Variants in TIE1 observed in about 807,000 individuals in gnomAD.
The protein encoded by TIE1 is tyrosine kinase with immunoglobulin like and EGF like domains 1.
TIE1 carries 89 observed loss-of-function variants against 130.5 expected under a neutral mutation model. That is an observed-to-expected ratio of 0.68 (90% CI 0.57 to 0.81). TIE1 has a LOEUF of 0.81. Ranked by LOEUF, TIE1 falls within the 40% of genes least tolerant of loss-of-function variation. TIE1 has a pLI of 0.00. For synonymous variants in TIE1, 568 were observed against 629.4 expected (o/e 0.90, Z 1.46); for missense variants, 1,392 against 1,559.8 (o/e 0.89, Z 1.81).
In TIE1 at chr1:43,307,894, G is replaced by A. The variant is rs1458175870; in HGVS notation, c.1012G>A (p.Gly338Arg). The change falls in exon 7 of 23, where the codon GGG becomes AGG. Residue 338 changes from glycine to arginine, a missense_variant. Physicochemically the swap from Gly to Arg is moderately radical, Grantham distance 125. Around this residue, in one of 6 missense-constraint regions of TIE1, gnomAD observed 28 missense variants for 54.7 expected, o/e 0.51. Transcript: ENST00000372476. The surrounding 1 kb of genome is among the most constrained non-coding windows in gnomAD (Gnocchi z 5.4). Reference sequence around the variant, plus strand: ...GTTCAGTGGTTGTGTCTGCCCCTCTGGGTGGCATGGAGTGCACTGTGAGAA... The same window carrying A: ...GTTCAGTGGTTGTGTCTGCCCCTCTAGGTGGCATGGAGTGCACTGTGAGAA... ...DRFSGCVCPS[G>R]WHGVHCEKSD... The A allele has an allele frequency of 6.2e-7, 1 of 1,614,190 alleles. No homozygotes were observed.
In TIE1 at chr1:43,307,199, A is replaced by G. The variant is rs1478372661; in HGVS notation, c.698A>G (p.His233Arg). ...GCTKECPGCL[H>R]GGVCHDHDGE... ...ACCAAGGAGTGCCCAGGTTGCCTAC[A>G]TGGAGGTGTCTGCCACGACCATGAC... Residue 233 changes from histidine to arginine, a missense_variant, in exon 5 of 23, where the codon CAT becomes CGT. His to Arg is a conservative substitution (Grantham distance 29). This residue lies in a region of TIE1 where 415 missense variants were observed against 424.8 expected (regional missense o/e 0.98). Transcript: ENST00000372476. This position sits in a 1 kb window ranked among gnomAD's most constrained non-coding sequence, Gnocchi z 5.4. 4 of 1,614,112 alleles carry G rather than the reference A, an allele frequency of 2.5e-6. No individual in the cohort carries two copies. Among genetic ancestry groups the G allele is most frequent in the Non-Finnish European group, 3.4e-6 (4 of 1,179,990 alleles).
At chr1:43,321,355 C>T (rs189880478) in intron 20 of TIE1, 41 bp from the exon 21 acceptor site, 13 of 1,613,590 alleles carry the variant, frequency 8.1e-6, no homozygotes, top group African/African-American at 4.0e-5. Context: ...CCTTACCCCA[C>T]GTGGAGCCCT....
rs1289994472 is a variant in TIE1, at chr1:43,307,699, C to T, written c.914-97C>T. ...CTCACTTGACCAGTCCTTCTATCCTCAGCCTGTTGTATAACCTGTGCCCCA... is the reference window on the plus strand; with the variant it reads ...CTCACTTGACCAGTCCTTCTATCCTTAGCCTGTTGTATAACCTGTGCCCCA... On this transcript the variant is annotated intron_variant, in intron 6 of 22. Coordinates refer to ENST00000372476, the MANE Select transcript of TIE1 (RefSeq NM_005424.5). This position sits in a 1 kb window ranked among gnomAD's most constrained non-coding sequence, Gnocchi z 5.4. 6.3e-7 allele frequency: 1 copy of T among 1,598,560 alleles called. No homozygotes were observed. The highest frequency in any genetic ancestry group is 1.3e-5 in the African/African-American group (1 of 74,720).
In TIE1 at chr1:43,313,144, C is replaced by G; in HGVS notation, c.1937C>G (p.Ala646Gly). The stretch of plus-strand genomic sequence containing the variant: ...CCCACCATCTCCCCAGGGCCTCCAG[C>G]CCCCCGACACCTCCACGCCCAGGCC... ...HVLLPPSGPP[A>G]PRHLHAQALS... Residue 646 changes from alanine (A) to glycine (G), a missense_variant, in exon 13 of 23, where the codon GCC (alanine) becomes GGC (glycine). Coordinates refer to ENST00000372476, the MANE Select transcript of TIE1 (RefSeq NM_005424.5). The surrounding 1 kb of genome is among the most constrained non-coding windows in gnomAD (Gnocchi z 6.2). 1.2e-6 allele frequency: 2 copies of G among 1,601,568 alleles called. No individual in the cohort carries two copies. The highest frequency in any genetic ancestry group is 8.5e-7 in the Non-Finnish European group (1 of 1,174,434).
In TIE1 at chr1:43,322,670, T is replaced by C; in HGVS notation, c.3365T>C (p.Leu1122Pro). The change falls in exon 23 of 23, where the codon CTG (leucine) becomes CCG (proline). Residue 1122 changes from leucine to proline, a missense_variant. Leu to Pro is a moderately conservative substitution (Grantham distance 98). This residue lies in a region of TIE1 where 104 missense variants were observed against 129.3 expected (regional missense o/e 0.80). Coordinates refer to ENST00000372476, the MANE Select transcript of TIE1 (RefSeq NM_005424.5). The surrounding 1 kb of genome is among the most constrained non-coding windows in gnomAD (Gnocchi z 4.0). Reference sequence around the variant, plus strand: ...CCCCAGGCCTATGTGAACATGTCGCTGTTTGAGAACTTCACTTACGCGGGC... The same window carrying C: ...CCCCAGGCCTATGTGAACATGTCGCCGTTTGAGAACTTCACTTACGCGGGC... ...EARKAYVNMS[L>P]FENFTYAGID... is the part of the protein sequence containing the mutation. 2 of 1,614,170 alleles carry C rather than the reference T, an allele frequency of 1.2e-6. No individual in the cohort carries two copies. Among genetic ancestry groups the C allele is most frequent in the Non-Finnish European group, 1.7e-6 (2 of 1,180,046 alleles).
In TIE1 at chr1:43,305,163, G is replaced by A; in HGVS notation, c.371G>A (p.Gly124Glu). 1 of 1,614,072 alleles carries A rather than the reference G, an allele frequency of 6.2e-7. No individual in the cohort carries two copies. The change falls in exon 2 of 23, where the codon GGA (glycine) becomes GAA (glutamate). Residue 124 changes from glycine (G) to glutamate (E), a missense_variant and splice_region_variant. By Grantham distance (98) the Gly-to-Glu change is moderately conservative. Transcript: ENST00000372476. ...TRVIYVHNSP[G>E]AHLLPDKVTH... Reference sequence around the variant, plus strand: ...GTCATCTACGTGCACAACAGCCCTGGAGGTGAGTTAGGCAGGCGGGGGGAT... The same window carrying A: ...GTCATCTACGTGCACAACAGCCCTGAAGGTGAGTTAGGCAGGCGGGGGGAT...
Position 43,322,846 on chromosome 1 carries a change from A to G in TIE1, c.*124A>G, listed in dbSNP as rs1646932695. The G allele has an allele frequency of 1.0e-5, 9 of 872,540 alleles. No individual in the cohort carries two copies. In the East Asian group the frequency reaches 2.4e-4, roughly 24 times the overall value. The allele number at this position is 872,540 out of a possible 1,614,324, so 54.0% of individuals were successfully genotyped here. ...TCAAGGAATTTTTTTAACTTAAGGG[A>G]GAAAAAAAGGGATCTGGGGATGGGG... On this transcript the variant is annotated 3_prime_UTR_variant, in exon 23 of 23. Coordinates refer to ENST00000372476, the MANE Select transcript of TIE1 (RefSeq NM_005424.5). The surrounding 1 kb of genome is among the most constrained non-coding windows in gnomAD (Gnocchi z 4.0).
chr1:43,314,341 T>C (rs1249664392), intron 14 of TIE1: 2 of 1,150,030 alleles, frequency 1.7e-6, no homozygotes, highest in Non-Finnish European at 2.2e-6. Flanking sequence ...GGTGATCAAA[T>C]GGAAGGGCAC....
intron 1 of TIE1, among the ~76,000 whole-genome samples, chr1:43,301,898 A>T (rs12566247): frequency 0.28 from 42,410 of 152,140 alleles, 7,120 homozygotes; most frequent in East Asian, 0.49. Context: ...AATTTATTTT[A>T]TATGCATTTC....
rs781181951 is a variant in TIE1, at chr1:43,308,869, A to G, written c.1043-117A>G. ...GTCATGCGGGCCTTTGCTGGTTTTC[A>G]GGCTGGAGGGACTGGGTAGATACCT... On this transcript the variant is annotated intron_variant, in intron 7 of 22. Coordinates refer to ENST00000372476, the MANE Select transcript of TIE1 (RefSeq NM_005424.5). The G allele has an allele frequency of 3.5e-6, 5 of 1,429,120 alleles. No homozygotes were observed. The South Asian group carries it at 3.5e-5, about 10-fold the overall frequency. The allele number at this position is 1,429,120 out of a possible 1,614,324, so 88.5% of individuals were successfully genotyped here. A position where few individuals can be genotyped will look rare whatever the true frequency, so the allele number is the denominator to read the frequency against.
rs150796066 is a variant in TIE1, at chr1:43,305,065, C to A, written c.273C>A (p.Arg91=). ...ACGGTTCGCACCAGGTCACGCTTCG[C>A]GGCTTCTCCAAGCCCTCGGACCTCG... The part of the protein sequence containing the change: ...ARNGSHQVTL[R]GFSKPSDLVG... Residue 91 remains arginine, a synonymous_variant, in exon 2 of 23, where the codon CGC becomes CGA. Coordinates refer to ENST00000372476, the MANE Select transcript of TIE1 (RefSeq NM_005424.5). 6 of 1,609,324 alleles carry A rather than the reference C, an allele frequency of 3.7e-6. No homozygotes were observed. The highest frequency in any genetic ancestry group is 5.1e-6 in the Non-Finnish European group (6 of 1,177,416).
At chr1:43,314,732 G>C (rs1392028802) in intron 14 of TIE1, 2 of 201,168 alleles carry the variant, frequency 9.9e-6, no homozygotes, top group Admixed American at 1.3e-4. Context: ...GGAGGCTGAG[G>C]CAGGAGAATT....
chr1:43,306,802 TGTA>T lies in TIE1; in HGVS notation c.485-35_485-33del. On this transcript the variant is annotated intron_variant, in intron 3 of 22. Coordinates refer to ENST00000372476, the MANE Select transcript of TIE1 (RefSeq NM_005424.5). The surrounding 1 kb of genome is among the most constrained non-coding windows in gnomAD (Gnocchi z 4.9). ...ACAGAGAGAGGTGACACAGCCCTCATGTAGTGCTGAGGCCCCTGACACATTCAT... is the reference window on the plus strand; with the variant it reads ...ACAGAGAGAGGTGACACAGCCCTCATGTGCTGAGGCCCCTGACACATTCAT... 2 of 1,573,400 alleles carry T rather than the reference TGTA, an allele frequency of 1.3e-6. No individual in the cohort carries two copies. The highest frequency in any genetic ancestry group is 1.7e-6 in the Non-Finnish European group (2 of 1,159,664).
intron 14 of TIE1, 98 bp downstream of exon 14, chr1:43,314,066 T>C (rs754390695): frequency 8.0e-7 from 1 of 1,249,922 alleles, no homozygotes; most frequent in Non-Finnish European, 1.2e-6. Context: ...TGTGTGTGTG[T>C]GTGTGTGTGT....
chr1:43,303,850 A>G (rs1385655532), intron 1 of TIE1, among the ~76,000 whole-genome samples: 1 of 151,996 alleles, frequency 6.6e-6, no homozygotes, highest in Admixed American at 6.5e-5. Context: ...TGTACCTCCC[A>G]GGAAGCATCT....
Position 43,305,090 on chromosome 1 carries a change from G to C in TIE1, c.298G>C (p.Val100Leu). The C allele has an allele frequency of 6.2e-7, 1 of 1,612,782 alleles. No individual in the cohort carries two copies. The change falls in exon 2 of 23, where the codon GTG (valine) becomes CTG (leucine). Residue 100 changes from valine (V) to leucine (L), a missense_variant. By Grantham distance (32) the Val-to-Leu change is conservative. Coordinates refer to ENST00000372476, the MANE Select transcript of TIE1 (RefSeq NM_005424.5). ...LRGFSKPSDL[V>L]GVFSCVGGAG... is the part of the protein sequence containing the mutation. The stretch of plus-strand genomic sequence containing the variant: ...CGGCTTCTCCAAGCCCTCGGACCTC[G>C]TGGGCGTCTTCTCCTGCGTGGGCGG...
chr1:43,306,802 T>C lies in TIE1; in HGVS notation c.485-38T>C. Reference sequence around the variant, plus strand: ...ACAGAGAGAGGTGACACAGCCCTCATGTAGTGCTGAGGCCCCTGACACATT... The same window carrying C: ...ACAGAGAGAGGTGACACAGCCCTCACGTAGTGCTGAGGCCCCTGACACATT... On this transcript the variant is annotated intron_variant, in intron 3 of 22. Transcript: ENST00000372476. This position sits in a 1 kb window ranked among gnomAD's most constrained non-coding sequence, Gnocchi z 4.9. The C allele has an allele frequency of 6.4e-7, 1 of 1,573,400 alleles. No individual in the cohort carries two copies. Among genetic ancestry groups the C allele is most frequent in the Non-Finnish European group, 8.6e-7 (1 of 1,159,664 alleles).
At position 43,317,678 on chromosome 1, in the gene TIE1, AGC is replaced by A. The variant is rs1557453039; in HGVS notation, c.2731+5_2731+6del. The A allele has an allele frequency of 1.3e-6, 2 of 1,567,922 alleles. No homozygotes were observed. Among genetic ancestry groups the A allele is most frequent in the Middle Eastern group, 1.8e-4 (1 of 5,604 alleles). ...CTGGGGGCCTGTAAGAACCGAGGTG[AGC>A]CCCCAGCTCATCACCTACCCCTTCT... On this transcript the variant is annotated splice_donor_5th_base_variant and intron_variant, in intron 16 of 22. Transcript: ENST00000372476. The surrounding 1 kb of genome is among the most constrained non-coding windows in gnomAD (Gnocchi z 5.1).
Position 43,312,524 on chromosome 1 carries a change from A to G in TIE1, c.1850A>G (p.Gln617Arg). Residue 617 changes from glutamine to arginine, a missense_variant, in exon 12 of 23, where the codon CAG becomes CGG. By Grantham distance (43) the Gln-to-Arg change is conservative. Coordinates refer to ENST00000372476, the MANE Select transcript of TIE1 (RefSeq NM_005424.5). The surrounding 1 kb of genome is among the most constrained non-coding windows in gnomAD (Gnocchi z 5.6). ...GGACTCACGCCTGGCACCCACTACC[A>G]GCTGGATGTGCAGCTCTACCACTGC... ...LTGLTPGTHY[Q>R]LDVQLYHCTL... is the part of the protein sequence containing the mutation. 2 of 1,613,424 alleles carry G rather than the reference A, an allele frequency of 1.2e-6. No homozygotes were observed. The highest frequency in any genetic ancestry group is 2.2e-5 in the South Asian group (2 of 91,072).
Sources: allele counts gnomAD v4.1 joint callset (sites outside exome capture counted in the v4.1 genomes callset), GRCh38; gene constraint gnomAD v4.1.1; regional missense constraint gnomAD v4.1.1; non-coding constraint Gnocchi (gnomAD v3.1); transcripts MANE v1.5; gene names NCBI Gene and HGNC (gene_info 2026-07-23, HGNC 2026-07-21).